Variants in CSMD3 observed in about 807,000 individuals in gnomAD.
The protein encoded by CSMD3 is CUB and Sushi multiple domains 3.
In CSMD3, 177 loss-of-function variants were observed where a neutral mutation model predicts 435.2. The ratio of observed to expected loss-of-function variants is 0.41; its 90% confidence interval spans 0.36 to 0.46. CSMD3 has a LOEUF of 0.46. CSMD3 is among the 20% of genes least tolerant of loss of function. The probability of loss-of-function intolerance (pLI) is 0.34; values close to 1 mark genes in which losing one functional copy is unlikely to be tolerated. For missense variants in CSMD3, 4,265 were observed against 4,504.6 expected, an observed-to-expected ratio of 0.95 and a Z score of 1.52; for synonymous variants, 1,656 against 1,520.5, an observed-to-expected ratio of 1.09 and a Z score of -2.07.
chr8:113,184,763 T>A (rs1020803120), intron 3 of CSMD3, among the ~76,000 whole-genome samples: 1 of 151,948 alleles, frequency 6.6e-6, no homozygotes, highest in African/African-American at 2.4e-5. Context: ...GCAGATGTGG[T>A]CTCCACAAAC....
chr8:112,542,724 A>C (rs938348941), intron 27 of CSMD3, among the ~76,000 whole-genome samples: 5 of 152,108 alleles, frequency 3.3e-5, no homozygotes, highest in Non-Finnish European at 4.4e-5. Flanking sequence ...AATTTCTACT[A>C]TTCACATGAA....
intron 5 of CSMD3, among the ~76,000 whole-genome samples, chr8:113,076,823 T>C (rs1042756210): frequency 2.6e-5 from 4 of 152,148 alleles, no homozygotes; most frequent in Non-Finnish European, 5.9e-5. Flanking sequence ...AAACAATTTA[T>C]AACTATAATG....
intron 27 of CSMD3, among the ~76,000 whole-genome samples, chr8:112,543,184 C>T (rs556986199): frequency 6.6e-6 from 1 of 151,778 alleles, no homozygotes; most frequent in African/African-American, 2.4e-5. Context: ...AGCTTTATAA[C>T]GTTGGTATTC....
At chr8:113,164,069 GT>G (rs2092101185) in intron 4 of CSMD3, among the ~76,000 whole-genome samples, 1 of 151,878 alleles carries the variant, frequency 6.6e-6, no homozygotes, top group Admixed American at 6.6e-5. Flanking sequence ...AACTAATCGT[GT>G]TTTCCAGATT....
intron 22 of CSMD3, among the ~76,000 whole-genome samples, chr8:112,628,394 G>A (rs914306377): frequency 6.7e-6 from 1 of 148,174 alleles, no homozygotes; most frequent in Non-Finnish European, 1.5e-5. Context: ...TACTTGGTTG[G>A]TTGGTTGGTT....
At chr8:113,094,631 T>G (rs1315619938) in intron 5 of CSMD3, among the ~76,000 whole-genome samples, 1 of 152,214 alleles carries the variant, frequency 6.6e-6, no homozygotes, top group African/African-American at 2.4e-5. Context: ...TAATTTACTA[T>G]AGTTTACAAT....
intron 27 of CSMD3, among the ~76,000 whole-genome samples, chr8:112,527,155 G>A (rs1825058173): frequency 6.6e-6 from 1 of 151,768 alleles, no homozygotes; most frequent in African/African-American, 2.4e-5. Flanking sequence ...CTCCAACTAA[G>A]GGAGAGAGAT....
intron 12 of CSMD3, among the ~76,000 whole-genome samples, chr8:112,819,296 T>A (rs143042933): frequency 4.1e-4 from 62 of 152,038 alleles, no homozygotes; most frequent in African/African-American, 1.5e-3. Context: ...TTGACATGGG[T>A]TATGATGAAT....
chr8:113,419,489 G>C (rs554587611), intron 1 of CSMD3, among the ~76,000 whole-genome samples: 12 of 152,200 alleles, frequency 7.9e-5, no homozygotes, highest in Non-Finnish European at 1.5e-4. Flanking sequence ...GGTGATTTTT[G>C]AAGGACTAGT....
In CSMD3 at chr8:112,604,101, A is replaced by G. The variant is rs149013542; in HGVS notation, c.3716-16866T>C. 9.2e-5 allele frequency among the ~76,000 whole-genome samples: 14 copies of G among 152,246 alleles called. No homozygotes were observed. In the East Asian group the frequency reaches 2.7e-3, roughly 29 times the overall value. ...CATTGTTTAACATTTTTCAAACTGC[A>G]ATTTGCAAACTTTCAGTTAAATGAA... On this transcript the variant is annotated intron_variant, in intron 22 of 70. Transcript: ENST00000297405.
At chr8:113,027,071 A>G (rs1023038371) in intron 5 of CSMD3, among the ~76,000 whole-genome samples, 1 of 152,164 alleles carries the variant, frequency 6.6e-6, no homozygotes, top group African/African-American at 2.4e-5. Flanking sequence ...GCAACCAAAA[A>G]TGCCTGGGGA....
At chr8:112,954,642 A>T in intron 8 of CSMD3, 42 bp downstream of exon 8, 2 of 1,245,816 alleles carry the variant, frequency 1.6e-6, no homozygotes, top group Non-Finnish European at 1.2e-6. Context: ...CACAAACTTC[A>T]CTCTTGCACT....
intron 2 of CSMD3, among the ~76,000 whole-genome samples, chr8:113,299,172 T>C (rs927732577): frequency 1.3e-5 from 2 of 152,124 alleles, no homozygotes; most frequent in African/African-American, 4.8e-5. Context: ...AATAACCAAT[T>C]TGGTTTCAAC....
intron 13 of CSMD3, among the ~76,000 whole-genome samples, chr8:112,695,977 A>G (rs2076245254): frequency 6.6e-6 from 1 of 152,208 alleles, no homozygotes; most frequent in Non-Finnish European, 1.5e-5. Flanking sequence ...TCCCATTCAC[A>G]ATTGCTTCAA....
At chr8:112,974,522 T>C (rs550344602) in intron 7 of CSMD3, among the ~76,000 whole-genome samples, 1 of 151,840 alleles carries the variant, frequency 6.6e-6, no homozygotes, top group Non-Finnish European at 1.5e-5. Flanking sequence ...AATTTTCTGG[T>C]AATAAGACAA....
At chr8:112,584,619 C>T (rs7840599) in intron 23 of CSMD3, among the ~76,000 whole-genome samples, 2,335 of 151,602 alleles carry the variant, frequency 0.015, 34 homozygotes, top group South Asian at 0.061. Context: ...ATACAGTAAA[C>T]GAAACCAGAA....
chr8:113,280,362 G>C (rs908224736), intron 2 of CSMD3, among the ~76,000 whole-genome samples: 1 of 151,568 alleles, frequency 6.6e-6, no homozygotes, highest in African/African-American at 2.4e-5. Context: ...GTCTATTCAG[G>C]GTGTCTAATT....
intron 4 of CSMD3, among the ~76,000 whole-genome samples, chr8:113,149,059 T>C (rs2091745017): frequency 6.6e-6 from 1 of 151,774 alleles, no homozygotes; most frequent in Admixed American, 6.6e-5. Flanking sequence ...GTGTATTTTA[T>C]GGAATCAAGA....
At chr8:112,704,910 C>A (rs2076466199) in intron 13 of CSMD3, among the ~76,000 whole-genome samples, 1 of 152,026 alleles carries the variant, frequency 6.6e-6, no homozygotes, top group South Asian at 2.1e-4. Context: ...AAATTTATTT[C>A]ATGTCCAAAA....
Sources: gnomAD v4.1 joint callset for allele counts (sites outside exome capture counted in the v4.1 genomes callset) on GRCh38, gnomAD v4.1.1 for gene constraint, MANE v1.5 for transcripts, NCBI Gene and HGNC (gene_info 2026-07-23, HGNC 2026-07-21) for gene names.